Variants in NDUFAF7 observed in about 807,000 individuals in gnomAD.
NDUFAF7 encodes NADH:ubiquinone oxidoreductase complex assembly factor 7.
In NDUFAF7, 48 loss-of-function variants were observed where a neutral mutation model predicts 47.2. That is an observed-to-expected ratio of 1.02 (90% CI 0.81 to 1.29). NDUFAF7 has a LOEUF of 1.29. Among genes scored for constraint, NDUFAF7 ranks in the 50% most tolerant of loss-of-function variants. The pLI, the probability that NDUFAF7 is intolerant of heterozygous loss-of-function variation, is 0.00. For synonymous variants in NDUFAF7, 217 were observed against 190.0 expected (o/e 1.14, Z -1.17); for missense variants, 635 against 537.6 (o/e 1.18, Z -1.79).
intron 2 of NDUFAF7, among the ~76,000 whole-genome samples, chr2:37,235,634 C>CCTTG (rs1187781125): frequency 3.4e-5 from 4 of 116,984 alleles, no homozygotes; most frequent in South Asian, 2.9e-4. Flanking sequence ...ACCATATTTC[C>CCTTG]CTTGCTTATT....
chr2:37,260,349 AC>A, the NDUFAF7 span: 7 of 1,611,970 alleles, frequency 4.3e-6, no homozygotes, highest in Non-Finnish European at 5.9e-6. Context: ...TTTCAAACAT[AC>A]ATTCCAGGTT....
chr2:37,257,645 G>T (rs894856590), downstream of NDUFAF7, among the ~76,000 whole-genome samples: 1 of 131,712 alleles, frequency 7.6e-6, no homozygotes, highest in Non-Finnish European at 1.6e-5. Flanking sequence ...CAGCCTGGGC[G>T]ACAGAGTGAA....
At chr2:37,239,118 C>CTTTTTTTTTTTTTTT (rs368415833) in intron 4 of NDUFAF7, among the ~76,000 whole-genome samples, 1 of 133,096 alleles carries the variant, frequency 7.5e-6, no homozygotes, top group Non-Finnish European at 1.6e-5. Context: ...TTTTCTTTCT[C>CTTTTTTTTTTTTTTT]TTTTTTTTTT....
At chr2:37,270,749 C>T in the NDUFAF7 span, among the ~76,000 whole-genome samples, 1 of 152,100 alleles carries the variant, frequency 6.6e-6, no homozygotes, top group African/African-American at 2.4e-5. Flanking sequence ...TATAAGCCTC[C>T]CCACTTTAAT....
At chr2:37,237,467 T>C (rs976617361) in intron 3 of NDUFAF7, among the ~76,000 whole-genome samples, 4 of 152,272 alleles carry the variant, frequency 2.6e-5, no homozygotes, top group Admixed American at 2.6e-4. Flanking sequence ...TTATTTGCTT[T>C]CAAATACTAA....
chr2:37,255,042 G>A (rs1387200466), downstream of NDUFAF7, among the ~76,000 whole-genome samples: 1 of 152,150 alleles, frequency 6.6e-6, no homozygotes, highest in Non-Finnish European at 1.5e-5. Flanking sequence ...CGAACCAAAT[G>A]GAAAGACTTG....
At chr2:37,262,795 G>C in the NDUFAF7 span, among the ~76,000 whole-genome samples, 1 of 151,802 alleles carries the variant, frequency 6.6e-6, no homozygotes, top group Non-Finnish European at 1.5e-5. Context: ...ATTTCCTCTG[G>C]AGTATGTTTT....
chr2:37,235,910 G>C (rs564482733), intron 2 of NDUFAF7, among the ~76,000 whole-genome samples, 186 bp from the exon 3 acceptor site: 1 of 151,842 alleles, frequency 6.6e-6, no homozygotes, highest in Non-Finnish European at 1.5e-5. Flanking sequence ...CACCCGTCTC[G>C]GCCTCCCAAA....
At chr2:37,244,987 T>C (rs1666756020) in intron 7 of NDUFAF7, among the ~76,000 whole-genome samples, 1 of 152,128 alleles carries the variant, frequency 6.6e-6, no homozygotes, top group Admixed American at 6.6e-5. Context: ...TCTTGAAGAG[T>C]AGCCTAAGAT....
intron 2 of NDUFAF7, among the ~76,000 whole-genome samples, chr2:37,233,209 AAGAC>A (rs1390532048): frequency 3.9e-5 from 6 of 152,330 alleles, no homozygotes; most frequent in African/African-American, 7.2e-5. Flanking sequence ...TATTGAGATT[AAGAC>A]AGACAGGACC....
chr2:37,236,706 G>A (rs752710573), intron 3 of NDUFAF7, among the ~76,000 whole-genome samples: 7 of 151,490 alleles, frequency 4.6e-5, no homozygotes, highest in African/African-American at 9.7e-5. Flanking sequence ...GCGTGAACCC[G>A]GGAGGCGGAG....
downstream of NDUFAF7, chr2:37,250,457 A>AGTT (rs1242419039): frequency 1.3e-5 from 2 of 152,184 alleles, no homozygotes; most frequent in Non-Finnish European, 2.9e-5. Flanking sequence ...TTTCTGAAAA[A>AGTT]GTTATACTTT....
At chr2:37,269,491 A>C in the NDUFAF7 span, 1 of 758,810 alleles carries the variant, frequency 1.3e-6, no homozygotes, top group African/African-American at 1.7e-5. Flanking sequence ...GAAAGATAAC[A>C]AGTCAGCCTT....
intron 1 of NDUFAF7, 56 bp from the exon 2 acceptor site, chr2:37,232,050 G>T: frequency 2.5e-6 from 4 of 1,613,652 alleles, no homozygotes; most frequent in Middle Eastern, 3.4e-4. Flanking sequence ...CAGGCGGCTT[G>T]CGCTCGTGAA....
chr2:37,247,514 C>G lies in NDUFAF7; in HGVS notation c.995C>G (p.Thr332Arg). 1 of 1,614,044 alleles carries G rather than the reference C, an allele frequency of 6.2e-7. No homozygotes were observed. Among genetic ancestry groups the G allele is most frequent in the Non-Finnish European group, 8.5e-7 (1 of 1,179,964 alleles). Residue 332 changes from threonine to arginine, a missense_variant, in exon 9 of 10, where the codon ACA (threonine) becomes AGA (arginine). Coordinates refer to ENST00000002125, the MANE Select transcript of NDUFAF7 (RefSeq NM_144736.5). ...VLIAPGTADL[T>R]ADVDFSYLRR... ...ATTGCCCCAGGAACAGCAGATCTAA[C>G]AGCTGATGTGGACTTCAGTTATTTG...
rs75483759 is a variant in NDUFAF7 at position 37,244,416 on chromosome 2, A to G, written c.792+443A>G. Reference sequence around the variant, plus strand: ...AAAGCAACTATATTAGGTAGGTTCTATTATTATCCTTCTTTGGGCTACAGC... The same window carrying G: ...AAAGCAACTATATTAGGTAGGTTCTGTTATTATCCTTCTTTGGGCTACAGC... On this transcript the variant is annotated intron_variant, in intron 7 of 9. Coordinates refer to ENST00000002125, the MANE Select transcript of NDUFAF7 (RefSeq NM_144736.5). Among the ~76,000 whole-genome samples, 743 of 152,296 alleles carry G rather than the reference A, an allele frequency of 4.9e-3. 6 individuals are homozygous for G. The highest frequency in any genetic ancestry group is 0.016 in the African/African-American group (680 of 41,552).
chr2:37,267,405 C>A, the NDUFAF7 span: 11 of 1,437,020 alleles, frequency 7.7e-6, no homozygotes, highest in South Asian at 1.3e-4. Context: ...CTTTAATAAA[C>A]CAGTTTTTTA....
intron 5 of NDUFAF7, chr2:37,242,337 T>G: frequency 6.7e-6 from 2 of 297,894 alleles, no homozygotes; most frequent in South Asian, 7.1e-5. Context: ...CCCGATTTTA[T>G]GAAATCAAAT....
chr2:37,256,625 A>C (rs1667962656), downstream of NDUFAF7: 2 of 1,339,278 alleles, frequency 1.5e-6, no homozygotes, highest in African/African-American at 2.4e-5. Flanking sequence ...ACACATAGCC[A>C]AAATTTTTTT....
Sources: gnomAD v4.1 joint callset for allele counts (sites outside exome capture counted in the v4.1 genomes callset) on GRCh38, gnomAD v4.1.1 for gene constraint, MANE v1.5 for transcripts, NCBI Gene and HGNC (gene_info 2026-07-23, HGNC 2026-07-21) for gene names.